The following BOK variants were observed in gnomAD, a reference collection of about 807,000 sequenced individuals.
The protein encoded by BOK is bcl-2-related ovarian killer protein.
A neutral mutation model predicts 18.3 loss-of-function variants in BOK; 20 were observed. That is an observed-to-expected ratio of 1.09 (90% CI 0.77 to 1.59). The LOEUF is 1.59. BOK is among the 40% of genes most tolerant of loss of function. BOK has a pLI of 0.00. For missense variants in BOK, 348 were observed against 307.9 expected (o/e 1.13, Z -0.97); for synonymous variants, 173 against 142.4 (o/e 1.21, Z -1.53).
chr2:241,551,725 A>AG (rs963521824), intron 1 of BOK, among the ~76,000 whole-genome samples: 2 of 152,124 alleles, frequency 1.3e-5, no homozygotes, highest in Admixed American at 6.5e-5. Context: ...GGGAGACCTC[A>AG]GGGGGGTCCC....
intron 1 of BOK, 80 bp from the exon 2 acceptor site, chr2:241,559,375 G>A (rs911043103): frequency 3.3e-6 from 3 of 908,692 alleles, no homozygotes; most frequent in African/African-American, 1.8e-5. Context: ...CCTTCCCGAG[G>A]GCCACGCCCA....
In BOK at chr2:241,570,240, G is replaced by T. The variant is rs776670196; in HGVS notation, c.465G>T (p.Glu155Asp). 25 of 1,592,360 alleles carry T rather than the reference G, an allele frequency of 1.6e-5. No homozygotes were observed. The highest frequency in any genetic ancestry group is 2.0e-5 in the Non-Finnish European group (23 of 1,171,010). ...ACGCCCTCGTGGACTGCCTGGGGGA[G>T]TTCGTGCGCAAGACCCTGGCAACCT... is the stretch of plus-strand genomic sequence containing the variant. ...MVHALVDCLG[E>D]FVRKTLATWL... Residue 155 changes from glutamate (E) to aspartate (D), a missense_variant, in exon 4 of 5, where the codon GAG (glutamate) becomes GAT (aspartate). Coordinates refer to ENST00000318407, the MANE Select transcript of BOK (RefSeq NM_032515.5).
chr2:241,555,173 TCTC>T (rs2066440845), upstream of BOK, among the ~76,000 whole-genome samples: 6 of 152,224 alleles, frequency 3.9e-5, no homozygotes, highest in Admixed American at 2.6e-4. Flanking sequence ...GATTGCTTAA[TCTC>T]CTCATCTGCT....
chr2:241,558,381 G>A (rs935758333), upstream of BOK, among the ~76,000 whole-genome samples: 4 of 152,146 alleles, frequency 2.6e-5, no homozygotes, highest in African/African-American at 9.7e-5. Flanking sequence ...CAAAGCAAAA[G>A]TAAACCACAA....
At chr2:241,569,035 A>G (rs1477605713) in intron 3 of BOK, among the ~76,000 whole-genome samples, 1 of 152,178 alleles carries the variant, frequency 6.6e-6, no homozygotes, top group Non-Finnish European at 1.5e-5. Context: ...TTTTGTGGCC[A>G]TTCAGATACT....
At chr2:241,564,210 G>A (rs1055440764) in intron 3 of BOK, among the ~76,000 whole-genome samples, 1 of 152,180 alleles carries the variant, frequency 6.6e-6, no homozygotes, top group Non-Finnish European at 1.5e-5. Context: ...TCCTGCCTCC[G>A]GGCTTGTCTT....
chr2:241,558,078 C>CACACACACACACACACACACACAA (rs2066468893), upstream of BOK, among the ~76,000 whole-genome samples: 1 of 151,580 alleles, frequency 6.6e-6, no homozygotes, highest in Non-Finnish European at 1.5e-5. Context: ...CACACACACA[C>CACACACACACACACACACACACAA]TCTTCAGCTG....
chr2:241,560,150 C>T (rs1388395218), intron 2 of BOK: 1 of 985,470 alleles, frequency 1.0e-6, no homozygotes, highest in Non-Finnish European at 1.2e-6. Flanking sequence ...TTGGAAACTG[C>T]GCCCACCGGG....
chr2:241,568,169 A>G (rs2066645366), intron 3 of BOK, among the ~76,000 whole-genome samples: 2 of 152,118 alleles, frequency 1.3e-5, no homozygotes, highest in Admixed American at 6.5e-5. Context: ...TGCCCAGGCT[A>G]GAGTGCAATG....
At chr2:241,560,974 G>A (rs545485144) in intron 2 of BOK, among the ~76,000 whole-genome samples, 28 of 152,292 alleles carry the variant, frequency 1.8e-4, no homozygotes, top group South Asian at 1.7e-3. Context: ...GAAGAAGCCC[G>A]GGTTGTGTCC....
rs367808954 is a variant in BOK at position 241,559,244 on chromosome 2, C to G, written c.-29-211C>G. On this transcript the variant is annotated intron_variant, in intron 1 of 4. Transcript: ENST00000318407. ...AAACCGCCGTCTCCCCGCGGCCCCA[C>G]CGGTCCCTGGCAGCCTCGGGGAATG... is the stretch of plus-strand genomic sequence containing the variant. Among the ~76,000 whole-genome samples the G allele has an allele frequency of 1.1e-4, 16 of 151,878 alleles. No homozygotes were observed. In the East Asian group the frequency reaches 2.9e-3, roughly 28 times the overall value.
At chr2:241,571,675 A>G (rs1195426021) in intron 4 of BOK, among the ~76,000 whole-genome samples, 1 of 152,200 alleles carries the variant, frequency 6.6e-6, no homozygotes, top group African/African-American at 2.4e-5. Context: ...CGACACTTTG[A>G]GCAACGCCAA....
upstream of BOK, among the ~76,000 whole-genome samples, chr2:241,558,237 C>A (rs1444132268): frequency 6.6e-6 from 1 of 152,066 alleles, no homozygotes; most frequent in Admixed American, 6.6e-5. Context: ...AATATGTAAT[C>A]AATCATAGAT....
rs557390533 is a variant in BOK, at chr2:241,567,144, C to CT, written c.350-2967dup. 9.2e-4 allele frequency among the ~76,000 whole-genome samples: 109 copies of CT among 118,000 alleles called. 14 individuals are homozygous for CT. The highest frequency in any genetic ancestry group is 2.7e-3 in the Admixed American group (32 of 11,668). 77.4% of individuals were successfully genotyped at this position (118,000 alleles called of 152,430 possible). A position where few individuals can be genotyped will look rare whatever the true frequency, so the allele number is the denominator to read the frequency against. On this transcript the variant is annotated intron_variant, in intron 3 of 4. Transcript: ENST00000318407. ...GCCATCACTCGGAACATAGTATGTT[C>CT]TTTTTTTTTTTTTTAATTTTTGCTC...
At chr2:241,567,369 C>T (rs1422043940) in intron 3 of BOK, among the ~76,000 whole-genome samples, 1 of 133,888 alleles carries the variant, frequency 7.5e-6, no homozygotes. Context: ...TCAGGTGATC[C>T]GTCTGCCTCA....
chr2:241,557,388 C>A (rs1235816182), upstream of BOK, among the ~76,000 whole-genome samples: 1 of 149,750 alleles, frequency 6.7e-6, no homozygotes, highest in Non-Finnish European at 1.5e-5. Flanking sequence ...CTGCTCACTG[C>A]AACCTTCGCC....
In BOK at chr2:241,570,120, T is replaced by A; in HGVS notation, c.350-5T>A. ...TCCTGATCTTGACCATCTCTCTCCC[T>A]GCAGGCATCACGTGGGGCAAGGTGG... is the stretch of plus-strand genomic sequence containing the variant. On this transcript the variant is annotated splice_region_variant and splice_polypyrimidine_tract_variant and intron_variant, in intron 3 of 4. Transcript: ENST00000318407. 6.2e-7 allele frequency: 1 copy of A among 1,610,940 alleles called. No individual in the cohort carries two copies. The highest frequency in any genetic ancestry group is 8.5e-7 in the Non-Finnish European group (1 of 1,179,092).
At chr2:241,571,687 G>A (rs1287912486) in intron 4 of BOK, among the ~76,000 whole-genome samples, 1 of 152,216 alleles carries the variant, frequency 6.6e-6, no homozygotes, top group Non-Finnish European at 1.5e-5. Flanking sequence ...CAACGCCAAG[G>A]CCACAGGTCC....
upstream of BOK, among the ~76,000 whole-genome samples, chr2:241,555,354 G>A (rs1229827801): frequency 3.3e-5 from 5 of 150,242 alleles, no homozygotes; most frequent in Non-Finnish European, 7.4e-5. Flanking sequence ...TGCTGGGCTT[G>A]ATCTCTTCAT....
Sources: allele counts gnomAD v4.1 joint callset (sites outside exome capture counted in the v4.1 genomes callset), GRCh38; gene constraint gnomAD v4.1.1; transcripts MANE v1.5; gene names NCBI Gene and HGNC (gene_info 2026-07-23, HGNC 2026-07-21).